The following INPP4B variants were observed in gnomAD, a reference collection of about 807,000 sequenced individuals.
INPP4B encodes inositol polyphosphate 4-phosphatase type II.
Under a neutral mutation model 122.5 loss-of-function variants are expected in INPP4B, and 55 were observed. The ratio of observed to expected loss-of-function variants is 0.45; its 90% confidence interval spans 0.36 to 0.56. The LOEUF (loss-of-function observed/expected upper bound fraction) is 0.56, where lower values mean the gene tolerates loss of function less well. Among genes scored for constraint, INPP4B ranks in the 20% least tolerant of loss-of-function variants. INPP4B has a pLI of 0.00. For synonymous variants in INPP4B, 403 were observed against 388.7 expected (o/e 1.04, Z -0.43); for missense variants, 1,000 against 1,097.7 (o/e 0.91, Z 1.26).
intron 2 of INPP4B, among the ~76,000 whole-genome samples, chr4:142,479,956 T>A (rs1014978729): frequency 6.6e-6 from 1 of 152,102 alleles, no homozygotes; most frequent in African/African-American, 2.4e-5. Context: ...GAACCTAAAA[T>A]AAAAGTTAAG....
chr4:142,647,068 A>C (rs1015844329), intron 2 of INPP4B, among the ~76,000 whole-genome samples: 1 of 152,208 alleles, frequency 6.6e-6, no homozygotes, highest in Admixed American at 6.5e-5. Context: ...GGGCCTAAAT[A>C]AGGATAATTT....
At chr4:142,688,585 A>C (rs1213432687) in intron 2 of INPP4B, among the ~76,000 whole-genome samples, 1 of 152,192 alleles carries the variant, frequency 6.6e-6, no homozygotes, top group Non-Finnish European at 1.5e-5. Context: ...AACTGACTCC[A>C]TCTTGCTTCT....
intron 1 of INPP4B, among the ~76,000 whole-genome samples, chr4:142,821,967 G>T (rs1289437958): frequency 2.0e-5 from 3 of 152,116 alleles, no homozygotes; most frequent in Non-Finnish European, 4.4e-5. Context: ...GTCCCTAAAG[G>T]CCAGGGTGAG....
intron 2 of INPP4B, among the ~76,000 whole-genome samples, chr4:142,616,197 A>C (rs897887229): frequency 6.6e-6 from 1 of 152,136 alleles, no homozygotes; most frequent in African/African-American, 2.4e-5. Context: ...GGAATGGATG[A>C]AATGTCTATC....
intron 7 of INPP4B, among the ~76,000 whole-genome samples, chr4:142,365,181 C>T (rs1786984228): frequency 6.6e-6 from 1 of 152,058 alleles, no homozygotes; most frequent in African/African-American, 2.4e-5. Flanking sequence ...TGGAATATGC[C>T]TAGGATCTTG....
At chr4:142,384,671 C>T (rs185252634) in intron 7 of INPP4B, among the ~76,000 whole-genome samples, 2 of 152,114 alleles carry the variant, frequency 1.3e-5, no homozygotes, top group East Asian at 3.9e-4. Context: ...GATTATAATG[C>T]CCTTTAATTT....
intron 2 of INPP4B, among the ~76,000 whole-genome samples, chr4:142,588,915 A>G (rs981019805): frequency 1.3e-5 from 2 of 152,000 alleles, no homozygotes; most frequent in Non-Finnish European, 2.9e-5. Context: ...GAACAAAGTT[A>G]TAGGACTCAT....
intron 2 of INPP4B, among the ~76,000 whole-genome samples, chr4:142,587,199 G>C (rs1736403987): frequency 6.6e-6 from 1 of 152,176 alleles, no homozygotes; most frequent in South Asian, 2.1e-4. Context: ...CCAGTGGGCA[G>C]TAAGGACAGA....
At chr4:142,618,514 G>A (rs571554875) in intron 2 of INPP4B, among the ~76,000 whole-genome samples, 1 of 151,858 alleles carries the variant, frequency 6.6e-6, no homozygotes, top group African/African-American at 2.4e-5. Flanking sequence ...ACAGCACTGG[G>A]GAAACTAGAT....
At chr4:142,351,737 T>C (rs1471285273) in intron 7 of INPP4B, among the ~76,000 whole-genome samples, 5 of 152,016 alleles carry the variant, frequency 3.3e-5, no homozygotes, top group Admixed American at 1.3e-4. Context: ...AGATCTTTTG[T>C]ACAAAGCCCC....
intron 2 of INPP4B, among the ~76,000 whole-genome samples, chr4:142,699,333 T>C (rs1761425320): frequency 6.6e-6 from 1 of 152,180 alleles, no homozygotes; most frequent in South Asian, 2.1e-4. Flanking sequence ...TCATTTCCAT[T>C]CTTATCCAGC....
At chr4:142,803,363 T>C (rs1434575692) in intron 1 of INPP4B, among the ~76,000 whole-genome samples, 1 of 151,966 alleles carries the variant, frequency 6.6e-6, no homozygotes, top group Admixed American at 6.6e-5. Flanking sequence ...GAAATGCTTT[T>C]TTATTAGCTT....
At chr4:142,718,065 G>A (rs1260171865) in intron 2 of INPP4B, among the ~76,000 whole-genome samples, 1 of 152,128 alleles carries the variant, frequency 6.6e-6, no homozygotes, top group Admixed American at 6.5e-5. Flanking sequence ...GTATGCATAT[G>A]AGATCAACCA....
At chr4:142,488,316 C>A (rs1821440784) in intron 2 of INPP4B, among the ~76,000 whole-genome samples, 1 of 151,874 alleles carries the variant, frequency 6.6e-6, no homozygotes, top group Non-Finnish European at 1.5e-5. Flanking sequence ...TTGTTAAGAG[C>A]TTTTTATCTC....
chr4:142,812,470 T>C (rs1368916336), intron 1 of INPP4B, among the ~76,000 whole-genome samples: 1 of 152,218 alleles, frequency 6.6e-6, no homozygotes, highest in Non-Finnish European at 1.5e-5. Context: ...TTAATAAATA[T>C]AGCTGTTTAA....
At chr4:142,132,191 G>A (rs77565341) in intron 18 of INPP4B, among the ~76,000 whole-genome samples, 1,576 of 152,114 alleles carry the variant, frequency 0.01, 32 homozygotes, top group African/African-American at 0.036. Flanking sequence ...AGCATCACAA[G>A]TTTGTGCCTG....
intron 9 of INPP4B, among the ~76,000 whole-genome samples, chr4:142,275,450 C>T (rs913953982): frequency 2.0e-5 from 3 of 151,676 alleles, no homozygotes; most frequent in African/African-American, 7.2e-5. Context: ...AGGAGACATG[C>T]CCTGCATTTA....
chr4:142,189,063 T>C (rs1307745422), intron 15 of INPP4B, among the ~76,000 whole-genome samples: 2 of 152,190 alleles, frequency 1.3e-5, no homozygotes, highest in African/African-American at 4.8e-5. Context: ...AAGTCTCCTA[T>C]TTATAATAGA....
At chr4:142,520,850 A>G (rs1338292987) in intron 2 of INPP4B, among the ~76,000 whole-genome samples, 1 of 151,996 alleles carries the variant, frequency 6.6e-6, no homozygotes, top group Non-Finnish European at 1.5e-5. Flanking sequence ...GTCTACAGAA[A>G]CAGGTCTGGC....
Sources: gnomAD v4.1 joint callset for allele counts (sites outside exome capture counted in the v4.1 genomes callset) on GRCh38, gnomAD v4.1.1 for gene constraint, MANE v1.5 for transcripts, NCBI Gene and HGNC (gene_info 2026-07-23, HGNC 2026-07-21) for gene names.